The following ZNF618 variants were observed in gnomAD, a reference collection of about 807,000 sequenced individuals.
ZNF618 encodes zinc finger protein 618, also known as neural precursor cell expressed, developmentally down-regulated 10.
In ZNF618, 34 loss-of-function variants were observed where a neutral mutation model predicts 103.0. The observed-to-expected ratio is 0.33, with a 90% CI of 0.25 to 0.44. The LOEUF (loss-of-function observed/expected upper bound fraction) is 0.44. ZNF618 is among the 20% of genes least tolerant of loss of function. The pLI is 1.00. For missense variants in ZNF618, 1,059 were observed against 1,295.4 expected, an observed-to-expected ratio of 0.82 and a Z score of 2.80; for synonymous variants, 551 against 542.2, an observed-to-expected ratio of 1.02 and a Z score of -0.23.
At chr9:113,989,733 A>G (rs1839846155) in intron 3 of ZNF618, among the ~76,000 whole-genome samples, 1 of 152,080 alleles carries the variant, frequency 6.6e-6, no homozygotes, top group African/African-American at 2.4e-5. Context: ...GCAAGTTTAG[A>G]CTCAAGTCCT....
chr9:113,936,799 TGTG>T (rs1418376507), intron 1 of ZNF618, among the ~76,000 whole-genome samples: 3 of 152,232 alleles, frequency 2.0e-5, no homozygotes, highest in Non-Finnish European at 4.4e-5. Flanking sequence ...TTTTTAAAAA[TGTG>T]CTCTATTTAT....
intron 1 of ZNF618, among the ~76,000 whole-genome samples, chr9:113,963,777 T>C (rs993653662): frequency 2.6e-5 from 4 of 152,238 alleles, no homozygotes; most frequent in Non-Finnish European, 4.4e-5. Context: ...ATTTGCCGAG[T>C]ATTTGCCCTG....
chr9:113,955,616 T>C (rs1202045048), intron 1 of ZNF618, among the ~76,000 whole-genome samples: 2 of 152,072 alleles, frequency 1.3e-5, no homozygotes, highest in Non-Finnish European at 1.5e-5. Flanking sequence ...TATTTTGCAA[T>C]AGGAATTTGT....
Position 113,980,755 on chromosome 9 carries a change from A to G in ZNF618, c.78-7566A>G, listed in dbSNP as rs186991884. 2.6e-3 allele frequency among the ~76,000 whole-genome samples: 399 copies of G among 152,326 alleles called. 1 individual carries two copies. The highest frequency in any genetic ancestry group is 8.8e-3 in the African/African-American group (364 of 41,558). The stretch of plus-strand genomic sequence containing the variant: ...AAGGCCGGAGATCCACCAGGGGAGC[A>G]CAGAGCAAAGTGAGCAACCAGCTGG... On this transcript the variant is annotated intron_variant, in intron 2 of 14. Coordinates refer to ENST00000374126, the MANE Select transcript of ZNF618 (RefSeq NM_001318042.2).
At chr9:113,884,000 C>T (rs1054744905) in intron 1 of ZNF618, among the ~76,000 whole-genome samples, 1 of 58,666 alleles carries the variant, frequency 1.7e-5, no homozygotes, top group Non-Finnish European at 6.3e-5. Flanking sequence ...CCCCCCCCCC[C>T]CCGCCCTGTA....
intron 1 of ZNF618, among the ~76,000 whole-genome samples, chr9:113,891,367 T>C (rs879156536): frequency 6.6e-6 from 1 of 152,330 alleles, no homozygotes; most frequent in African/African-American, 2.4e-5. Context: ...CGAAGAAATA[T>C]ACAGATGGCC....
At chr9:114,034,374 C>G (rs563242329) in intron 12 of ZNF618, among the ~76,000 whole-genome samples, 43 of 152,292 alleles carry the variant, frequency 2.8e-4, no homozygotes, top group African/African-American at 9.9e-4. Flanking sequence ...TGCTGCACCC[C>G]CATGCGTCCC....
intron 1 of ZNF618, among the ~76,000 whole-genome samples, chr9:113,910,702 C>T (rs1831455265): frequency 6.6e-6 from 1 of 152,216 alleles, no homozygotes; most frequent in Non-Finnish European, 1.5e-5. Flanking sequence ...TCTCCATCCT[C>T]TCTCCTGTCC....
intron 1 of ZNF618, among the ~76,000 whole-genome samples, chr9:113,927,169 C>T (rs1040181751): frequency 6.6e-6 from 1 of 151,954 alleles, no homozygotes; most frequent in Non-Finnish European, 1.5e-5. Flanking sequence ...GTAGTAGGTA[C>T]AGAGGTAATC....
At chr9:113,957,045 T>C (rs7022898) in intron 1 of ZNF618, among the ~76,000 whole-genome samples, 74 of 152,170 alleles carry the variant, frequency 4.9e-4, no homozygotes, top group African/African-American at 1.7e-3. Context: ...ACACATAGTA[T>C]GTAAGTGGTG....
rs1588278576 is a variant in ZNF618, at chr9:113,996,572, G to T, written c.338-1687G>T. Reference sequence around the variant, plus strand: ...CCTGGTCTGTCTGATGCTCTGGGAGGGAGCTAAGCCAGGTGTTTAGGGAAA... The same window carrying T: ...CCTGGTCTGTCTGATGCTCTGGGAGTGAGCTAAGCCAGGTGTTTAGGGAAA... On this transcript the variant is annotated intron_variant, in intron 3 of 14. Transcript: ENST00000374126. Among the ~76,000 whole-genome samples the T allele has an allele frequency of 2.6e-5, 4 of 152,328 alleles. 1 individual carries two copies. Among genetic ancestry groups the T allele is most frequent in the African/African-American group, 9.6e-5 (4 of 41,568 alleles).
chr9:113,977,051 G>C (rs1351301762), intron 2 of ZNF618, among the ~76,000 whole-genome samples: 3 of 152,196 alleles, frequency 2.0e-5, no homozygotes, highest in African/African-American at 4.8e-5. Flanking sequence ...CAGGCAGTGA[G>C]CAAACCAGGG....
chr9:113,934,910 G>A (rs1195458216), intron 1 of ZNF618, among the ~76,000 whole-genome samples: 2 of 152,202 alleles, frequency 1.3e-5, no homozygotes, highest in Non-Finnish European at 2.9e-5. Flanking sequence ...AAGCTCATTT[G>A]CTACAGCAAC....
intron 2 of ZNF618, among the ~76,000 whole-genome samples, chr9:113,972,930 A>G (rs1188218985): frequency 6.6e-6 from 1 of 152,090 alleles, no homozygotes. Flanking sequence ...TTAGCCAGGT[A>G]TGGTGGCACA....
At chr9:113,984,807 A>AC (rs1451990084) in intron 2 of ZNF618, among the ~76,000 whole-genome samples, 3 of 151,712 alleles carry the variant, frequency 2.0e-5, no homozygotes, top group East Asian at 3.9e-4. Flanking sequence ...TGCTTTCTTT[A>AC]CCCCCCGGCT....
chr9:114,035,027 A>G (rs1432039021), intron 12 of ZNF618, among the ~76,000 whole-genome samples: 1 of 152,054 alleles, frequency 6.6e-6, no homozygotes. Context: ...CCTCTGTGTC[A>G]AGCCTCCCTG....
intron 1 of ZNF618, among the ~76,000 whole-genome samples, chr9:113,939,789 CCTCT>C (rs960629922): frequency 2.6e-5 from 4 of 152,000 alleles, no homozygotes; most frequent in African/African-American, 7.2e-5. Context: ...TCCTTCCCTC[CCTCT>C]GATTCCGTAG....
At chr9:113,886,971 C>CTTT (rs57000343) in intron 1 of ZNF618, among the ~76,000 whole-genome samples, 35 of 109,482 alleles carry the variant, frequency 3.2e-4, no homozygotes, top group South Asian at 6.1e-4. Flanking sequence ...TTACTTTCTA[C>CTTT]TTTTTTTTTT....
At chr9:114,044,795 TG>T (rs1429477898) in intron 13 of ZNF618, among the ~76,000 whole-genome samples, 1 of 152,082 alleles carries the variant, frequency 6.6e-6, no homozygotes, top group African/African-American at 2.4e-5. Flanking sequence ...TTTTTTTGTT[TG>T]TTTTTTTGTT....
Sources: allele counts gnomAD v4.1 joint callset (sites outside exome capture counted in the v4.1 genomes callset), GRCh38; gene constraint gnomAD v4.1.1; transcripts MANE v1.5; gene names NCBI Gene and HGNC (gene_info 2026-07-23, HGNC 2026-07-21).